The following PLD5 variants were observed in gnomAD, a reference collection of about 807,000 sequenced individuals.
PLD5 encodes the protein phospholipase D family member 5.
PLD5 carries 36 observed loss-of-function variants against 61.1 expected under a neutral mutation model. The ratio of observed to expected loss-of-function variants is 0.59; its 90% confidence interval spans 0.45 to 0.78. The LOEUF (loss-of-function observed/expected upper bound fraction) is 0.78, where lower values mean the gene tolerates loss of function less well. Among genes scored for constraint, PLD5 ranks in the 30% least tolerant of loss-of-function variants. PLD5 has a pLI of 0.00. For synonymous variants in PLD5, 243 were observed against 242.8 expected, an observed-to-expected ratio of 1.00 and a Z score of -0.01; for missense variants, 515 against 644.4, an observed-to-expected ratio of 0.80 and a Z score of 2.17.
intron 2 of PLD5, among the ~76,000 whole-genome samples, chr1:242,305,145 C>T (rs2796067): frequency 4.6e-5 from 7 of 152,224 alleles, no homozygotes; most frequent in Middle Eastern, 6.8e-3. Flanking sequence ...AATCTATTCA[C>T]GCACTTTTAA....
intron 1 of PLD5, among the ~76,000 whole-genome samples, chr1:242,362,145 T>C (rs1661104290): frequency 2.0e-5 from 3 of 152,158 alleles, no homozygotes; most frequent in Admixed American, 2.0e-4. Context: ...AACAAAATCA[T>C]GGTCAAGTCT....
In PLD5 at chr1:242,089,150, A is replaced by G. The variant is rs775172827; in HGVS notation, c.*704T>C. ...TGAAAGGTGAAAATGAAAGACTGCT[A>G]TTTCCACTTAGTATCCATTCTGAAA... is the stretch of plus-strand genomic sequence containing the variant. On this transcript the variant is annotated 3_prime_UTR_variant, in exon 10 of 10. Coordinates refer to ENST00000536534, the MANE Select transcript of PLD5 (RefSeq NM_001372062.1). 5 of 393,426 alleles carry G rather than the reference A, an allele frequency of 1.3e-5. No homozygotes were observed. Among genetic ancestry groups the G allele is most frequent in the Admixed American group, 4.4e-5 (1 of 22,566 alleles). 24.4% of individuals were successfully genotyped at this position (393,426 alleles called of 1,614,324 possible). A position where few individuals can be genotyped will look rare whatever the true frequency, so the allele number is the denominator to read the frequency against.
chr1:242,373,664 A>G (rs970142903), intron 1 of PLD5, among the ~76,000 whole-genome samples: 3 of 152,142 alleles, frequency 2.0e-5, no homozygotes, highest in Admixed American at 6.6e-5. Flanking sequence ...CATGGATGAA[A>G]CTGGAAATCA....
chr1:242,493,508 G>A (rs1378437819), intron 1 of PLD5, among the ~76,000 whole-genome samples: 6 of 152,202 alleles, frequency 3.9e-5, no homozygotes, highest in African/African-American at 1.2e-4. Context: ...AGACACCTTT[G>A]GCAGGGAGGA....
At chr1:242,337,103 C>T (rs1659560295) in intron 2 of PLD5, among the ~76,000 whole-genome samples, 1 of 151,794 alleles carries the variant, frequency 6.6e-6, no homozygotes, top group African/African-American at 2.4e-5. Context: ...GGGCATGTCT[C>T]ACACACTTCA....
At chr1:242,479,908 A>G (rs111444568) in intron 1 of PLD5, among the ~76,000 whole-genome samples, 6,477 of 151,592 alleles carry the variant, frequency 0.043, 225 homozygotes, top group Middle Eastern at 0.061. Context: ...AAAATTCACC[A>G]GGCATGTTGG....
chr1:242,285,489 CTCTG>C (rs1490409601), intron 3 of PLD5, among the ~76,000 whole-genome samples: 2 of 152,094 alleles, frequency 1.3e-5, no homozygotes, highest in Non-Finnish European at 2.9e-5. Context: ...CAGAGCAAAA[CTCTG>C]TCTCAAAAAA....
chr1:242,380,687 T>C (rs1261519457), intron 1 of PLD5, among the ~76,000 whole-genome samples: 3 of 151,880 alleles, frequency 2.0e-5, no homozygotes, highest in African/African-American at 7.3e-5. Flanking sequence ...TATAAGAAAC[T>C]TAAATTTGCA....
rs115686990 is a variant in PLD5 at position 242,488,126 on chromosome 1, C to A, written c.189+35962G>T. 6.1e-3 allele frequency among the ~76,000 whole-genome samples: 934 copies of A among 152,224 alleles called. 8 individuals carry two copies. Among genetic ancestry groups the A allele is most frequent in the African/African-American group, 0.021 (883 of 41,546 alleles). ...CTCTCATTAATTGCTAGTGGGAATG[C>A]AAAATGGTACAGCCACTTTGAAAAA... On this transcript the variant is annotated intron_variant, in intron 1 of 9. Coordinates refer to ENST00000536534, the MANE Select transcript of PLD5 (RefSeq NM_001372062.1).
chr1:242,249,536 G>C (rs1164849161), intron 4 of PLD5, among the ~76,000 whole-genome samples: 3 of 152,180 alleles, frequency 2.0e-5, no homozygotes, highest in Non-Finnish European at 4.4e-5. Flanking sequence ...AAACAACCAG[G>C]GGGTAGTGAA....
intron 1 of PLD5, among the ~76,000 whole-genome samples, chr1:242,480,049 C>CAA (rs1224139428): frequency 1.6e-5 from 2 of 125,350 alleles, no homozygotes; most frequent in African/African-American, 5.5e-5. Context: ...GACTCTGTCT[C>CAA]AGAAAAAAAA....
chr1:242,403,842 C>G (rs987042012), intron 1 of PLD5, among the ~76,000 whole-genome samples: 1 of 152,158 alleles, frequency 6.6e-6, no homozygotes, highest in Non-Finnish European at 1.5e-5. Flanking sequence ...TCCTCCTTTT[C>G]TGCCTCTTCT....
At chr1:242,190,223 G>A (rs956365553) in intron 5 of PLD5, among the ~76,000 whole-genome samples, 12 of 125,902 alleles carry the variant, frequency 9.5e-5, no homozygotes, top group Admixed American at 2.1e-4. Context: ...TCTGCTCACC[G>A]CAAGCTCTGC....
intron 2 of PLD5, among the ~76,000 whole-genome samples, chr1:242,319,784 A>G (rs1307089842): frequency 6.6e-6 from 1 of 152,222 alleles, no homozygotes; most frequent in East Asian, 1.9e-4. Context: ...ATTTTAGGTT[A>G]TGTAATAATG....
chr1:242,090,133 T>C (rs1364444346), intron 9 of PLD5, 23 bp from the exon 10 acceptor site: 1 of 1,612,648 alleles, frequency 6.2e-7, no homozygotes, highest in African/African-American at 1.3e-5. Context: ...AAAGAAATAA[T>C]GTTGAGGAGT....
At chr1:242,318,659 A>AT (rs59083795) in intron 2 of PLD5, among the ~76,000 whole-genome samples, 107 of 147,076 alleles carry the variant, frequency 7.3e-4, no homozygotes, top group Middle Eastern at 3.5e-3. Flanking sequence ...TGATTTTTTA[A>AT]TTTTTTTTTT....
chr1:242,265,187 T>C (rs1673592435), intron 4 of PLD5, 150 bp downstream of exon 4: 9 of 1,102,854 alleles, frequency 8.2e-6, no homozygotes, highest in Non-Finnish European at 1.1e-5. Context: ...ACTCAAAAAC[T>C]TTAATCGAGT....
rs1673346166 is a variant in PLD5, at chr1:242,261,021, T to C, written c.607+4316A>G. Reference sequence around the variant, plus strand: ...GTAATTCTAATACAATTTCAGTAGTTTTATGATAAGACGGTTCTAAAATTT... The same window carrying C: ...GTAATTCTAATACAATTTCAGTAGTCTTATGATAAGACGGTTCTAAAATTT... On this transcript the variant is annotated intron_variant, in intron 4 of 9. Coordinates refer to ENST00000536534, the MANE Select transcript of PLD5 (RefSeq NM_001372062.1). Among the ~76,000 whole-genome samples, 3 of 152,224 alleles carry C rather than the reference T, an allele frequency of 2.0e-5. No homozygotes were observed. The South Asian group carries it at 6.2e-4, about 32-fold the overall frequency.
At chr1:242,321,450 C>A (rs368341690) in intron 2 of PLD5, among the ~76,000 whole-genome samples, 3 of 152,040 alleles carry the variant, frequency 2.0e-5, no homozygotes, top group Middle Eastern at 3.2e-3. Flanking sequence ...ATTACAGGCA[C>A]CTGCAACCAT....
Sources: gnomAD v4.1 joint callset for allele counts (sites outside exome capture counted in the v4.1 genomes callset) on GRCh38, gnomAD v4.1.1 for gene constraint, MANE v1.5 for transcripts, NCBI Gene and HGNC (gene_info 2026-07-23, HGNC 2026-07-21) for gene names.